Variants in PLCB4 observed in about 807,000 individuals in gnomAD.
PLCB4 encodes phospholipase C beta 4.
In PLCB4, 77 loss-of-function variants were observed where a neutral mutation model predicts 178.8. That is an observed-to-expected ratio of 0.43 (90% CI 0.36 to 0.52). PLCB4 has a LOEUF of 0.52. PLCB4 is among the 20% of genes least tolerant of loss of function. The pLI, the probability that PLCB4 is intolerant of heterozygous loss-of-function variation, is 0.00. For missense variants in PLCB4, 1,024 were observed against 1,453.4 expected, an observed-to-expected ratio of 0.70 and a Z score of 4.80; for synonymous variants, 496 against 490.8, an observed-to-expected ratio of 1.01 and a Z score of -0.14.
chr20:9,408,916 A>G (rs941819178), intron 23 of PLCB4, 141 bp from the exon 24 acceptor site: 1 of 794,222 alleles, frequency 1.3e-6, no homozygotes, highest in African/African-American at 1.8e-5. Context: ...GATCTTAAGC[A>G]TCATTTGTAA....
intron 28 of PLCB4, among the ~76,000 whole-genome samples, chr20:9,435,007 A>T (rs1383841398): frequency 6.6e-6 from 1 of 152,232 alleles, no homozygotes; most frequent in East Asian, 1.9e-4. Context: ...AGTTCAAGTT[A>T]TACCTGAGAA....
intron 3 of PLCB4, among the ~76,000 whole-genome samples, chr20:9,258,960 T>C (rs1016642543): frequency 2.0e-5 from 3 of 151,956 alleles, no homozygotes; most frequent in Non-Finnish European, 2.9e-5. Flanking sequence ...GAAATATGGG[T>C]TTCGAGACCA....
chr20:9,465,690 A>G (rs899080748), intron 35 of PLCB4, among the ~76,000 whole-genome samples: 1 of 152,188 alleles, frequency 6.6e-6, no homozygotes, highest in Non-Finnish European at 1.5e-5. Context: ...TGCATTTGCT[A>G]CAAAGAGAAT....
At chr20:9,090,157 A>T (rs1054918910) in intron 1 of PLCB4, among the ~76,000 whole-genome samples, 2 of 152,000 alleles carry the variant, frequency 1.3e-5, no homozygotes, top group African/African-American at 2.4e-5. Flanking sequence ...GATTGAACAC[A>T]TTGAAAAATA....
intron 2 of PLCB4, among the ~76,000 whole-genome samples, chr20:9,150,499 T>C (rs2092673534): frequency 6.6e-6 from 1 of 152,208 alleles, no homozygotes; most frequent in African/African-American, 2.4e-5. Context: ...TGTATCTTTA[T>C]TCCTTAAGGT....
At chr20:9,242,461 C>T (rs776039586) in intron 3 of PLCB4, among the ~76,000 whole-genome samples, 4 of 152,200 alleles carry the variant, frequency 2.6e-5, no homozygotes, top group Non-Finnish European at 4.4e-5. Context: ...ACAAGCTTGC[C>T]TCAGGGTGAT....
At position 9,380,060 on chromosome 20, in the gene PLCB4, C is replaced by A. The variant is rs1171194814; in HGVS notation, c.751C>A (p.Arg251=). 6 of 1,561,042 alleles carry A rather than the reference C, an allele frequency of 3.8e-6. No homozygotes were observed. Among genetic ancestry groups the A allele is most frequent in the Non-Finnish European group, 4.4e-6 (5 of 1,137,984 alleles). Residue 251 remains arginine (R), a synonymous_variant, in exon 13 of 40, where the codon CGA becomes AGA. Transcript: ENST00000378473. ...QLVSFLNEHQ[R]DPRLNEILFP... is the part of the protein sequence containing the mutation. Reference sequence around the variant, plus strand: ...AGTTATTTTCTTATCATAGCATCAACGAGATCCTCGATTGAATGAAATTTT... The same window carrying A: ...AGTTATTTTCTTATCATAGCATCAAAGAGATCCTCGATTGAATGAAATTTT...
At chr20:9,372,231 T>C in intron 10 of PLCB4, 72 bp from the exon 11 acceptor site, 1 of 843,206 alleles carries the variant, frequency 1.2e-6, no homozygotes, top group Non-Finnish European at 2.0e-6. Flanking sequence ...CTGTGCTTCA[T>C]GACCCTGTAG....
rs779416457 is a variant in PLCB4 at position 9,459,664 on chromosome 20, G to A, written c.3102G>A (p.Lys1034=). 2 of 1,610,728 alleles carry A rather than the reference G, an allele frequency of 1.2e-6. 1 individual carries two copies. The highest frequency in any genetic ancestry group is 2.2e-5 in the South Asian group (2 of 90,990). ...KVKEIVAQHT[K]EWSEMINTHS... is the part of the protein sequence containing the mutation. ...AAGAGATTGTAGCACAGCACACAAA[G>A]GAATGGTCAGAAATGATCAATACCC... Residue 1034 remains lysine, a synonymous_variant, in exon 35 of 40, where the codon AAG becomes AAA. Coordinates refer to ENST00000378473, the MANE Select transcript of PLCB4 (RefSeq NM_001377142.1).
chr20:9,133,640 C>T (rs1051101551), intron 2 of PLCB4, among the ~76,000 whole-genome samples: 3 of 152,126 alleles, frequency 2.0e-5, no homozygotes, highest in Non-Finnish European at 2.9e-5. Context: ...GGCTACATGG[C>T]TAGGAAGTAT....
chr20:9,383,736 T>G (rs543115385), intron 13 of PLCB4, among the ~76,000 whole-genome samples: 1 of 152,358 alleles, frequency 6.6e-6, no homozygotes, highest in Non-Finnish European at 1.5e-5. Context: ...GTCTTATAAT[T>G]AATACATTTT....
chr20:9,434,839 G>A (rs1482306036), intron 28 of PLCB4, among the ~76,000 whole-genome samples: 1 of 152,136 alleles, frequency 6.6e-6, no homozygotes, highest in Non-Finnish European at 1.5e-5. Context: ...AACTTACACA[G>A]TATTTAAAAT....
intron 2 of PLCB4, among the ~76,000 whole-genome samples, chr20:9,159,137 A>T (rs2092840644): frequency 6.6e-6 from 1 of 152,170 alleles, no homozygotes; most frequent in African/African-American, 2.4e-5. Context: ...AGGCCAGTTT[A>T]GGTTGCTTTG....
At chr20:9,366,014 C>A (rs1178642231) in intron 9 of PLCB4, among the ~76,000 whole-genome samples, 1 of 152,144 alleles carries the variant, frequency 6.6e-6, no homozygotes, top group Non-Finnish European at 1.5e-5. Flanking sequence ...CTACTCTCTA[C>A]ATGTACTGTA....
At chr20:9,200,374 G>A (rs1485113576) in intron 2 of PLCB4, among the ~76,000 whole-genome samples, 2 of 152,082 alleles carry the variant, frequency 1.3e-5, no homozygotes, top group Middle Eastern at 3.4e-3. Context: ...AACTGTTACC[G>A]CCTTTGACCA....
intron 3 of PLCB4, among the ~76,000 whole-genome samples, chr20:9,298,286 A>T (rs2147809878): frequency 6.6e-6 from 1 of 152,236 alleles, no homozygotes; most frequent in Non-Finnish European, 1.5e-5. Context: ...GAAATATACG[A>T]TTATCTCAAT....
intron 24 of PLCB4, among the ~76,000 whole-genome samples, chr20:9,409,872 C>G (rs1303301097): frequency 6.6e-6 from 1 of 151,944 alleles, no homozygotes; most frequent in African/African-American, 2.4e-5. Flanking sequence ...CTAGAGGTAG[C>G]AAAATAGAAA....
chr20:9,250,329 C>T (rs1159446624), intron 3 of PLCB4, among the ~76,000 whole-genome samples: 1 of 152,202 alleles, frequency 6.6e-6, no homozygotes, highest in African/African-American at 2.4e-5. Flanking sequence ...ACAAACCTTC[C>T]TTAAACTCTG....
At chr20:9,289,145 T>C (rs1324120548) in intron 3 of PLCB4, among the ~76,000 whole-genome samples, 3 of 152,118 alleles carry the variant, frequency 2.0e-5, no homozygotes, top group Non-Finnish European at 4.4e-5. Flanking sequence ...TATGGCAGAA[T>C]AGAAATAAAA....
Sources: allele counts gnomAD v4.1 joint callset (sites outside exome capture counted in the v4.1 genomes callset), GRCh38; gene constraint gnomAD v4.1.1; transcripts MANE v1.5; gene names NCBI Gene and HGNC (gene_info 2026-07-23, HGNC 2026-07-21).